Variants in GRM1 observed in about 807,000 individuals in gnomAD.
The protein encoded by GRM1 is metabotropic glutamate receptor 1.
Under a neutral mutation model 90.9 loss-of-function variants are expected in GRM1, and 33 were observed. The observed-to-expected ratio is 0.36, with a 90% CI of 0.28 to 0.49. GRM1 has a LOEUF of 0.49. GRM1 is among the 20% of genes least tolerant of loss of function. The pLI is 0.99. For missense variants in GRM1, 1,190 were observed against 1,534.3 expected (o/e 0.78, Z 3.75); for synonymous variants, 700 against 613.2 (o/e 1.14, Z -2.09).
intron 2 of GRM1, among the ~76,000 whole-genome samples, chr6:146,283,076 G>A (rs542685382): frequency 4.3e-4 from 66 of 152,138 alleles, no homozygotes; most frequent in Non-Finnish European, 3.1e-4. Flanking sequence ...TGAAATAGAT[G>A]CTGCTCTCTC....
chr6:146,333,009 T>G (rs1359005557), intron 3 of GRM1, among the ~76,000 whole-genome samples: 1 of 152,230 alleles, frequency 6.6e-6, no homozygotes, highest in Non-Finnish European at 1.5e-5. Flanking sequence ...TAGGATCTAT[T>G]TTCTAGATTA....
chr6:146,108,632 T>C (rs769233599), intron 1 of GRM1, among the ~76,000 whole-genome samples: 2 of 152,152 alleles, frequency 1.3e-5, no homozygotes, highest in Non-Finnish European at 1.5e-5. Context: ...ACCAGTAGAC[T>C]GGGGTGCTGC....
chr6:146,259,267 CCT>C (rs1781594882), intron 2 of GRM1, among the ~76,000 whole-genome samples: 1 of 152,100 alleles, frequency 6.6e-6, no homozygotes, highest in African/African-American at 2.4e-5. Flanking sequence ...CTGTGTTTTT[CCT>C]CTCTCAGTGC....
At position 146,361,122 on chromosome 6, in the gene GRM1, T is replaced by C. The variant is rs553488860; in HGVS notation, c.1602+3428T>C. Reference sequence around the variant, plus strand: ...TGTAACACAACACTTCTTCAGATTCTGAAAGCAATGTGAGGAGTGAGAGCC... The same window carrying C: ...TGTAACACAACACTTCTTCAGATTCCGAAAGCAATGTGAGGAGTGAGAGCC... On this transcript the variant is annotated intron_variant, in intron 5 of 7. Coordinates refer to ENST00000282753, the MANE Select transcript of GRM1 (RefSeq NM_001278064.2). Among the ~76,000 whole-genome samples the C allele has an allele frequency of 4.6e-5, 7 of 152,336 alleles. No homozygotes were observed. In the East Asian group the frequency reaches 1.2e-3, roughly 25 times the overall value.
chr6:146,317,631 A>G (rs1054728975), intron 3 of GRM1, among the ~76,000 whole-genome samples: 1 of 152,228 alleles, frequency 6.6e-6, no homozygotes, highest in Non-Finnish European at 1.5e-5. Flanking sequence ...ATTATTTCTC[A>G]TTCATGCAAC....
At chr6:146,364,287 C>T (rs1447910196) in intron 5 of GRM1, among the ~76,000 whole-genome samples, 1 of 152,116 alleles carries the variant, frequency 6.6e-6, no homozygotes, top group East Asian at 1.9e-4. Context: ...TGCTTGTATG[C>T]ATTTGCTTTC....
At chr6:146,261,958 A>G (rs1781709632) in intron 2 of GRM1, among the ~76,000 whole-genome samples, 1 of 152,052 alleles carries the variant, frequency 6.6e-6, no homozygotes, top group South Asian at 2.1e-4. Flanking sequence ...AGAAAGTTAC[A>G]AAGGAAAGCC....
At chr6:146,149,337 G>A (rs1777230434) in intron 1 of GRM1, among the ~76,000 whole-genome samples, 1 of 152,178 alleles carries the variant, frequency 6.6e-6, no homozygotes, top group African/African-American at 2.4e-5. Context: ...CTGCAGTAAA[G>A]AAACAATCAT....
chr6:146,378,517 G>A (rs1014495932), intron 5 of GRM1, among the ~76,000 whole-genome samples: 1 of 152,170 alleles, frequency 6.6e-6, no homozygotes, highest in Non-Finnish European at 1.5e-5. Context: ...CTGCCATATT[G>A]GGTTTCGGAC....
At chr6:146,303,758 T>A (rs1783476538) in intron 2 of GRM1, among the ~76,000 whole-genome samples, 1 of 152,108 alleles carries the variant, frequency 6.6e-6, no homozygotes, top group Admixed American at 6.6e-5. Flanking sequence ...CAGAGTTGGG[T>A]TCAGTGTCTC....
At chr6:146,040,309 G>A (rs1176031554) in intron 1 of GRM1, among the ~76,000 whole-genome samples, 1 of 151,922 alleles carries the variant, frequency 6.6e-6, no homozygotes, top group Non-Finnish European at 1.5e-5. Context: ...TAATTTATAT[G>A]CCACAACAAC....
At chr6:146,222,200 C>T (rs1009212358) in intron 2 of GRM1, among the ~76,000 whole-genome samples, 5 of 152,208 alleles carry the variant, frequency 3.3e-5, no homozygotes, top group Middle Eastern at 6.8e-3. Flanking sequence ...TAAGATGATG[C>T]CTTGGAGGGA....
chr6:146,321,758 CTG>C (rs1486198508), intron 3 of GRM1, among the ~76,000 whole-genome samples: 4 of 151,950 alleles, frequency 2.6e-5, no homozygotes, highest in Non-Finnish European at 5.9e-5. Context: ...GGTTTAAAGT[CTG>C]TTTTATCAGA....
intron 2 of GRM1, among the ~76,000 whole-genome samples, chr6:146,222,090 C>G (rs1232046919): frequency 1.3e-5 from 2 of 151,972 alleles, no homozygotes; most frequent in Non-Finnish European, 2.9e-5. Context: ...CCTGAGGACA[C>G]CTACAGAGTA....
At chr6:146,414,875 A>G (rs1301551149) in intron 7 of GRM1, among the ~76,000 whole-genome samples, 1 of 152,224 alleles carries the variant, frequency 6.6e-6, no homozygotes, top group Non-Finnish European at 1.5e-5. Context: ...CAGTTAGTGC[A>G]TAGTTCAGTG....
In GRM1 at chr6:146,207,396, G is replaced by C. The variant is rs143431333; in HGVS notation, c.950+47799G>C. Reference sequence around the variant, plus strand: ...TGGCCACATGTATGTCTTCTTTTGAGAAGTGTCTGTTCATGTCCTTTGCCC... The same window carrying C: ...TGGCCACATGTATGTCTTCTTTTGACAAGTGTCTGTTCATGTCCTTTGCCC... On this transcript the variant is annotated intron_variant, in intron 2 of 7. Transcript: ENST00000282753. Among the ~76,000 whole-genome samples, 749 of 152,236 alleles carry C rather than the reference G, an allele frequency of 4.9e-3. 4 individuals carry two copies. Among genetic ancestry groups the C allele is most frequent in the African/African-American group, 0.017 (718 of 41,544 alleles).
intron 2 of GRM1, among the ~76,000 whole-genome samples, chr6:146,274,275 A>G (rs1286806515): frequency 6.6e-6 from 1 of 152,216 alleles, no homozygotes; most frequent in Non-Finnish European, 1.5e-5. Flanking sequence ...TGTCAATTCA[A>G]TTAACATAAT....
chr6:146,252,936 T>C (rs1781350420), intron 2 of GRM1, among the ~76,000 whole-genome samples: 1 of 151,732 alleles, frequency 6.6e-6, no homozygotes, highest in African/African-American at 2.4e-5. Context: ...GGCGTGTGCT[T>C]GTAGTCCCAG....
chr6:146,138,411 G>A (rs1164761716), intron 1 of GRM1, among the ~76,000 whole-genome samples: 1 of 151,794 alleles, frequency 6.6e-6, no homozygotes, highest in African/African-American at 2.4e-5. Flanking sequence ...CAAGTGAAGT[G>A]TTCCCTCCTC....
Sources: allele counts gnomAD v4.1 joint callset (sites outside exome capture counted in the v4.1 genomes callset), GRCh38; gene constraint gnomAD v4.1.1; transcripts MANE v1.5; gene names NCBI Gene and HGNC (gene_info 2026-07-23, HGNC 2026-07-21).